STAM: variants seen among roughly 807,000 people sequenced by gnomAD.
The protein encoded by STAM is signal transducing adaptor molecule, also known as signal transducing adapter molecule 1.
A neutral mutation model predicts 63.4 loss-of-function variants in STAM; 16 were observed. The observed-to-expected ratio is 0.25, with a 90% CI of 0.17 to 0.38. The LOEUF (loss-of-function observed/expected upper bound fraction) is 0.38. Among genes scored for constraint, STAM ranks in the 10% least tolerant of loss-of-function variants. The pLI is 1.00. For missense variants in STAM, 636 were observed against 657.1 expected, an observed-to-expected ratio of 0.97 and a Z score of 0.35; for synonymous variants, 238 against 223.9, an observed-to-expected ratio of 1.06 and a Z score of -0.56.
At chr10:17,694,586 G>C (rs3813860) in intron 6 of STAM, among the ~76,000 whole-genome samples, 4,900 of 152,158 alleles carry the variant, frequency 0.032, 128 homozygotes, top group East Asian at 0.15. Context: ...TGAGTCTTTA[G>C]ACTGGTAAGA....
At chr10:17,654,106 G>C (rs1235510484) in intron 1 of STAM, among the ~76,000 whole-genome samples, 1 of 152,100 alleles carries the variant, frequency 6.6e-6, no homozygotes, top group Non-Finnish European at 1.5e-5. Flanking sequence ...TTGCTGACTG[G>C]GTAGTTAGCA....
At chr10:17,671,166 A>G (rs1038369771) in intron 2 of STAM, among the ~76,000 whole-genome samples, 1 of 152,208 alleles carries the variant, frequency 6.6e-6, no homozygotes, top group Non-Finnish European at 1.5e-5. Context: ...ACTAAGACCT[A>G]TAAAAGCTAT....
At chr10:17,670,220 A>C (rs1054551740) in intron 2 of STAM, among the ~76,000 whole-genome samples, 3 of 152,182 alleles carry the variant, frequency 2.0e-5, no homozygotes, top group Admixed American at 6.5e-5. Context: ...TTACTTGCCT[A>C]GACAATGATT....
At chr10:17,672,867 T>TAAGAG (rs142190246) in intron 2 of STAM, 17,522 of 169,814 alleles carry the variant, frequency 0.1, 976 homozygotes, top group Middle Eastern at 0.15. Context: ...TATCAAATGA[T>TAAGAG]AAGTAGGTAT....
At chr10:17,710,814 A>T (rs1271947417) in intron 13 of STAM, among the ~76,000 whole-genome samples, 1 of 152,228 alleles carries the variant, frequency 6.6e-6, no homozygotes, top group Non-Finnish European at 1.5e-5. Flanking sequence ...TTCAAGTGCT[A>T]TATTAGACCA....
intron 9 of STAM, among the ~76,000 whole-genome samples, chr10:17,703,692 A>G (rs895166441): frequency 3.3e-5 from 5 of 152,182 alleles, no homozygotes; most frequent in Admixed American, 2.6e-4. Context: ...GATCTGTGTC[A>G]CTGGTTTGAG....
intron 5 of STAM, among the ~76,000 whole-genome samples, chr10:17,693,018 C>T (rs1835606664): frequency 6.6e-6 from 1 of 152,090 alleles, no homozygotes; most frequent in Non-Finnish European, 1.5e-5. Context: ...AGGCTGCCTC[C>T]TCTAAGTGTC....
intron 9 of STAM, among the ~76,000 whole-genome samples, chr10:17,702,671 A>G (rs1401413178): frequency 1.3e-5 from 2 of 152,194 alleles, no homozygotes; most frequent in Admixed American, 6.5e-5. Context: ...AGGGCAAGGA[A>G]TCCACCTGGG....
At chr10:17,654,429 A>C (rs1271668234) in intron 1 of STAM, among the ~76,000 whole-genome samples, 2 of 151,978 alleles carry the variant, frequency 1.3e-5, no homozygotes, top group African/African-American at 2.4e-5. Context: ...TCACTGTGTT[A>C]GCCAGGATGG....
chr10:17,706,590 A>G (rs1194012552), intron 12 of STAM, among the ~76,000 whole-genome samples: 4 of 152,144 alleles, frequency 2.6e-5, no homozygotes, highest in African/African-American at 2.4e-5. Context: ...CGTGTTAGCC[A>G]GGTTGGCCTT....
chr10:17,685,363 C>G (rs1481143483), intron 4 of STAM, among the ~76,000 whole-genome samples: 1 of 152,120 alleles, frequency 6.6e-6, no homozygotes, highest in East Asian at 1.9e-4. Context: ...TAATACTATA[C>G]TGCTATTCTT....
chr10:17,713,911 T>C (rs1181506752), intron 13 of STAM, among the ~76,000 whole-genome samples: 1 of 151,938 alleles, frequency 6.6e-6, no homozygotes, highest in Non-Finnish European at 1.5e-5. Context: ...TCCAGCCCCC[T>C]CCCCACCACC....
chr10:17,704,549 A>G (rs1836167583), intron 10 of STAM, 31 bp downstream of exon 10: 3 of 1,560,222 alleles, frequency 1.9e-6, no homozygotes, highest in Non-Finnish European at 2.7e-6. Context: ...TTGCAAATAA[A>G]GAGTAGTTAG....
At chr10:17,680,986 TG>T (rs1835063054) in intron 2 of STAM, among the ~76,000 whole-genome samples, 2 of 152,190 alleles carry the variant, frequency 1.3e-5, no homozygotes, top group South Asian at 4.1e-4. Context: ...GGTATATACC[TG>T]GAAGTGGAAT....
chr10:17,679,319 A>G (rs956997630), intron 2 of STAM, among the ~76,000 whole-genome samples: 1 of 152,172 alleles, frequency 6.6e-6, no homozygotes, highest in African/African-American at 2.4e-5. Context: ...ATTGCTAGCG[A>G]TGTTGAGCAT....
chr10:17,679,905 T>C (rs1288681621), intron 2 of STAM, among the ~76,000 whole-genome samples: 2 of 152,120 alleles, frequency 1.3e-5, no homozygotes, highest in African/African-American at 4.8e-5. Context: ...AAATCCTTTT[T>C]ATTTCAGTGA....
chr10:17,696,274 T>C (rs558194613), intron 7 of STAM, among the ~76,000 whole-genome samples: 21 of 152,236 alleles, frequency 1.4e-4, no homozygotes, highest in African/African-American at 5.1e-4. Flanking sequence ...TTGCTAGCTT[T>C]CCATATACTA....
chr10:17,646,270 T>A (rs1833516490), intron 1 of STAM, among the ~76,000 whole-genome samples: 4 of 152,120 alleles, frequency 2.6e-5, no homozygotes, highest in Admixed American at 2.6e-4. Context: ...TGTAGGGTGT[T>A]CAGCCTTATC....
intron 1 of STAM, among the ~76,000 whole-genome samples, chr10:17,646,824 A>G (rs1833538931): frequency 6.6e-6 from 1 of 152,136 alleles, no homozygotes; most frequent in Non-Finnish European, 1.5e-5. Context: ...ACACTTAACA[A>G]TTTTTTCTTT....
Sources: gnomAD v4.1 joint callset for allele counts (sites outside exome capture counted in the v4.1 genomes callset) on GRCh38, gnomAD v4.1.1 for gene constraint, MANE v1.5 for transcripts, NCBI Gene and HGNC (gene_info 2026-07-23, HGNC 2026-07-21) for gene names.